ZBBX: variants seen among roughly 807,000 people sequenced by gnomAD.
The protein encoded by ZBBX is zinc finger B-box domain containing.
A neutral mutation model predicts 108.5 loss-of-function variants in ZBBX; 101 were observed. That is an observed-to-expected ratio of 0.93 (90% CI 0.79 to 1.10). ZBBX has a LOEUF of 1.10. Among genes scored for constraint, ZBBX ranks in the 50% least tolerant of loss-of-function variants. ZBBX has a pLI of 0.00. For missense variants in ZBBX, 1,009 were observed against 941.4 expected (o/e 1.07, Z -0.94); for synonymous variants, 356 against 323.4 (o/e 1.10, Z -1.08).
rs200749252 is a variant in ZBBX at position 167,368,539 on chromosome 3, A to G, written c.104T>C (p.Leu35Ser). Residue 35 changes from leucine to serine, a missense_variant, in exon 5 of 22, where the codon TTA becomes TCA. Physicochemically the swap from Leu to Ser is moderately radical, Grantham distance 145. Coordinates refer to ENST00000675490, the MANE Select transcript of ZBBX (RefSeq NM_001199201.2). The stretch of plus-strand genomic sequence containing the variant: ...CTCCATCTCTTGGTTCTCAAACTCT[A>G]ACTGTACTTTCTCCATTCGCAGTTC... ...AQELRMEKVQ[L>S]EFENQEMEKK... is the part of the protein sequence containing the mutation. 3.9e-4 allele frequency: 624 copies of G among 1,611,598 alleles called. No homozygotes were observed. The highest frequency in any genetic ancestry group is 4.8e-4 in the South Asian group (44 of 90,856).
At chr3:167,277,860 C>T (rs1342817195) in intron 20 of ZBBX, among the ~76,000 whole-genome samples, 1 of 152,090 alleles carries the variant, frequency 6.6e-6, no homozygotes, top group Non-Finnish European at 1.5e-5. Context: ...TAAAGCTCTC[C>T]TCAGCAAATG....
intron 20 of ZBBX, among the ~76,000 whole-genome samples, chr3:167,244,466 G>A (rs141419853): frequency 4.7e-4 from 72 of 152,300 alleles, no homozygotes; most frequent in Non-Finnish European, 9.0e-4. Context: ...AATTGAATGA[G>A]CATAAAGCTG....
chr3:167,282,101 A>G, intron 20 of ZBBX, 137 bp downstream of exon 20: 1 of 944,040 alleles, frequency 1.1e-6, no homozygotes, highest in Middle Eastern at 3.4e-4. Context: ...GAAAACAGAC[A>G]CAACGGTTGA....
At chr3:167,187,222 G>T in the ZBBX span, among the ~76,000 whole-genome samples, 2 of 152,180 alleles carry the variant, frequency 1.3e-5, no homozygotes, top group African/African-American at 4.8e-5. Flanking sequence ...AAGTGAAACG[G>T]CAAAAGTAAC....
chr3:167,266,177 C>T (rs1225362692), intron 20 of ZBBX, among the ~76,000 whole-genome samples: 1 of 152,108 alleles, frequency 6.6e-6, no homozygotes, highest in South Asian at 2.1e-4. Flanking sequence ...TTCTGTTTTG[C>T]CATGTTTCTC....
At chr3:167,318,466 G>A (rs1735845144) in intron 12 of ZBBX, among the ~76,000 whole-genome samples, 1 of 151,956 alleles carries the variant, frequency 6.6e-6, no homozygotes, top group South Asian at 2.1e-4. Flanking sequence ...CCGACTTGTT[G>A]AGTCATTCAG....
chr3:167,304,217 T>C (rs1733205740), intron 17 of ZBBX, among the ~76,000 whole-genome samples: 1 of 152,190 alleles, frequency 6.6e-6, no homozygotes, highest in Non-Finnish European at 1.5e-5. Flanking sequence ...CTGTCTAGTG[T>C]AATGAAGATA....
chr3:167,270,562 AC>A (rs1485781258), intron 20 of ZBBX, among the ~76,000 whole-genome samples: 1 of 152,184 alleles, frequency 6.6e-6, no homozygotes, highest in African/African-American at 2.4e-5. Flanking sequence ...ACCCAAGAGC[AC>A]AGTGGCTGCC....
intron 1 of ZBBX, among the ~76,000 whole-genome samples, chr3:167,397,918 G>A (rs1023667623): frequency 5.3e-5 from 8 of 151,412 alleles, no homozygotes; most frequent in Non-Finnish European, 1.0e-4. Flanking sequence ...TCAGCAAATT[G>A]CAAATTAAGG....
intron 20 of ZBBX, among the ~76,000 whole-genome samples, chr3:167,252,610 G>C (rs755239655): frequency 4.7e-5 from 7 of 147,378 alleles, no homozygotes; most frequent in Non-Finnish European, 1.0e-4. Context: ...AAAAATCCAT[G>C]TCTGCGTTAA....
At chr3:167,256,638 C>T (rs13074984) in intron 20 of ZBBX, among the ~76,000 whole-genome samples, 54,274 of 136,930 alleles carry the variant, frequency 0.4, 10,677 homozygotes, top group Non-Finnish European at 0.44. Flanking sequence ...CCTTTCAAGC[C>T]TCTGGTAATT....
chr3:167,396,105 C>T (rs1353971715), intron 1 of ZBBX, among the ~76,000 whole-genome samples: 1 of 151,972 alleles, frequency 6.6e-6, no homozygotes, highest in Non-Finnish European at 1.5e-5. Flanking sequence ...CAATCTAATC[C>T]ATGCAAAAAT....
intron 8 of ZBBX, among the ~76,000 whole-genome samples, chr3:167,354,750 G>GTTTTTTTTTTTA (rs1743241436): frequency 6.6e-6 from 1 of 151,226 alleles, no homozygotes; most frequent in Non-Finnish European, 1.5e-5. Context: ...TAAACATTTG[G>GTTTTTTTTTTTA]CACTGTTTTT....
Position 167,298,440 on chromosome 3 carries a change from A to G in ZBBX, c.1744T>C (p.Cys582Arg), listed in dbSNP as rs1261356729. Residue 582 changes from cysteine (C) to arginine (R), a missense_variant, in exon 18 of 22, where the codon TGC becomes CGC. Coordinates refer to ENST00000675490, the MANE Select transcript of ZBBX (RefSeq NM_001199201.2). ...KSSLLLQEIACRSKPITKQYQ... is the reference protein window; with the variant it reads ...KSSLLLQEIARRSKPITKQYQ... ...TGTTTTGTTATAGGCTTACTTCTGC[A>G]GGCTATTTCTTGTAACAACTAAGAA... is the stretch of plus-strand genomic sequence containing the variant. 3.3e-6 allele frequency: 5 copies of G among 1,502,312 alleles called. No individual in the cohort carries two copies. The highest frequency in any genetic ancestry group is 4.5e-6 in the Non-Finnish European group (5 of 1,117,338). 93.1% of individuals were successfully genotyped at this position (1,502,312 alleles called of 1,614,324 possible).
intron 12 of ZBBX, among the ~76,000 whole-genome samples, chr3:167,318,814 T>G (rs1050985439): frequency 1.3e-5 from 2 of 151,868 alleles, no homozygotes; most frequent in Admixed American, 6.6e-5. Context: ...ATTATGGGCA[T>G]CATACTTTAA....
At chr3:167,404,398 G>C (rs1247993385) in intron 1 of ZBBX, among the ~76,000 whole-genome samples, 3 of 152,074 alleles carry the variant, frequency 2.0e-5, no homozygotes, top group Admixed American at 2.0e-4. Flanking sequence ...AATAACCAGG[G>C]GTTTGCTCTA....
At chr3:167,291,777 C>T (rs1730735147) in intron 18 of ZBBX, among the ~76,000 whole-genome samples, 1 of 152,164 alleles carries the variant, frequency 6.6e-6, no homozygotes, top group African/African-American at 2.4e-5. Flanking sequence ...GATAAAGATT[C>T]AAGACCCATC....
At chr3:167,181,874 T>TAAATTTAAA in the ZBBX span, among the ~76,000 whole-genome samples, 1 of 152,214 alleles carries the variant, frequency 6.6e-6, no homozygotes, top group Admixed American at 6.5e-5. Flanking sequence ...CTGTTGGCAC[T>TAAATTTAAA]TTTTGTAGGG....
chr3:167,378,234 A>G (rs905563109), intron 2 of ZBBX, among the ~76,000 whole-genome samples: 7 of 152,174 alleles, frequency 4.6e-5, no homozygotes. Flanking sequence ...GCCAAACAAG[A>G]TATCTGATAG....
Sources: allele counts gnomAD v4.1 joint callset (sites outside exome capture counted in the v4.1 genomes callset), GRCh38; gene constraint gnomAD v4.1.1; transcripts MANE v1.5; gene names NCBI Gene and HGNC (gene_info 2026-07-23, HGNC 2026-07-21).